The following TJP1 variants were observed in gnomAD, a reference collection of about 807,000 sequenced individuals.
The protein encoded by TJP1 is tight junction protein ZO-1.
In TJP1, 43 loss-of-function variants were observed where a neutral mutation model predicts 194.2. The observed-to-expected ratio is 0.22, with a 90% CI of 0.17 to 0.29. The LOEUF is 0.29. Ranked by LOEUF, TJP1 falls within the 10% of genes least tolerant of loss-of-function variation. The pLI is 1.00. For synonymous variants in TJP1, 801 were observed against 779.0 expected (o/e 1.03, Z -0.47); for missense variants, 1,971 against 2,185.7 (o/e 0.90, Z 1.96).
chr15:29,762,212 C>T (rs2046050412), intron 6 of TJP1, 123 bp downstream of exon 6: 2 of 698,586 alleles, frequency 2.9e-6, no homozygotes, highest in South Asian at 4.1e-5. Context: ...ATATCCCTCT[C>T]CCCCAAACAC....
At chr15:29,873,414 C>T (rs2052593209) in intron 2 of TJP1, among the ~76,000 whole-genome samples, 1 of 152,170 alleles carries the variant, frequency 6.6e-6, no homozygotes, top group African/African-American at 2.4e-5. Context: ...ACCGACAAGG[C>T]CCTGCTGCAG....
At chr15:29,724,277 G>C (rs536538145) in intron 18 of TJP1, among the ~76,000 whole-genome samples, 3 of 152,182 alleles carry the variant, frequency 2.0e-5, no homozygotes, top group Non-Finnish European at 4.4e-5. Flanking sequence ...GGGGAGAGTG[G>C]GAATCCAGGG....
At position 29,719,078 on chromosome 15, in the gene TJP1, G is replaced by A. The variant is rs747619520; in HGVS notation, c.3064C>T (p.Pro1022Ser). Residue 1022 changes from proline to serine, a missense_variant, in exon 21 of 28, where the codon CCA (proline) becomes TCA (serine). By Grantham distance (74) the Pro-to-Ser change is moderately conservative (BLOSUM62 -1). This residue lies in a region of TJP1 where 1,108 missense variants were observed against 1,128.5 expected (regional missense o/e 0.98). Transcript: ENST00000614355. ...MMRQNHVLKQ[P>S]AVSHPGHRPD... ...CTGTGCCCTGGGTGACTAACGGCTGGCTGTTTCAAAACATGGTTCTGCCTC... is the reference window on the plus strand; with the variant it reads ...CTGTGCCCTGGGTGACTAACGGCTGACTGTTTCAAAACATGGTTCTGCCTC... 3 of 1,613,990 alleles carry A rather than the reference G, an allele frequency of 1.9e-6. No individual in the cohort carries two copies. In the African/African-American group the frequency reaches 4.0e-5, roughly 22 times the overall value.
At chr15:29,903,475 C>T (rs925537570) in intron 2 of TJP1, among the ~76,000 whole-genome samples, 22 of 151,834 alleles carry the variant, frequency 1.4e-4, no homozygotes, top group Non-Finnish European at 2.4e-4. Flanking sequence ...GATGGAGTCT[C>T]GCTCTGTCGC....
At chr15:29,771,033 T>C (rs545616641) in intron 4 of TJP1, among the ~76,000 whole-genome samples, 5 of 152,276 alleles carry the variant, frequency 3.3e-5, no homozygotes, top group African/African-American at 1.2e-4. Flanking sequence ...GCTCCATTCA[T>C]AGTAAGTGCA....
At chr15:29,744,052 G>A (rs971931230) in intron 8 of TJP1, among the ~76,000 whole-genome samples, 7 of 152,018 alleles carry the variant, frequency 4.6e-5, no homozygotes, top group Non-Finnish European at 8.8e-5. Context: ...GGTGGCATGC[G>A]CCTATAGTCC....
chr15:29,935,094 T>A (rs1424684628), intron 2 of TJP1, among the ~76,000 whole-genome samples: 1 of 152,224 alleles, frequency 6.6e-6, no homozygotes, highest in African/African-American at 2.4e-5. Context: ...GTTCCACAGA[T>A]GTTTCTTCTA....
Position 29,773,256 on chromosome 15 carries a change from T to C in TJP1, c.186A>G (p.Gly62=). ...TSIVISDVLK[G]GPAEGQLQEN... ...ACTGTAGCTGTCCTTCAGCTGGTCCTCCTTTCAGCACATCTGAAATCACTA... is the reference window on the plus strand; with the variant it reads ...ACTGTAGCTGTCCTTCAGCTGGTCCCCCTTTCAGCACATCTGAAATCACTA... The change falls in exon 3 of 28, where the codon GGA becomes GGG. Residue 62 remains glycine (G), a synonymous_variant. Coordinates refer to ENST00000614355, the MANE Select transcript of TJP1 (RefSeq NM_001330239.4). 3 of 1,614,016 alleles carry C rather than the reference T, an allele frequency of 1.9e-6. No individual in the cohort carries two copies. Among genetic ancestry groups the C allele is most frequent in the Non-Finnish European group, 2.5e-6 (3 of 1,179,912 alleles).
chr15:29,761,329 TAC>T (rs781020207), intron 7 of TJP1, 43 bp from the exon 8 acceptor site: 11 of 1,608,474 alleles, frequency 6.8e-6, no homozygotes, highest in African/African-American at 1.3e-5. Context: ...CAAAAATAAT[TAC>T]AGTCAAGTAT....
chr15:29,933,849 A>G (rs2054799576), intron 2 of TJP1, among the ~76,000 whole-genome samples: 1 of 152,194 alleles, frequency 6.6e-6, no homozygotes, highest in Admixed American at 6.5e-5. Flanking sequence ...ATGACTTGTC[A>G]TCTGACACAG....
chr15:29,808,140 T>C (rs2049232276), intron 1 of TJP1, among the ~76,000 whole-genome samples: 1 of 152,096 alleles, frequency 6.6e-6, no homozygotes, highest in Admixed American at 6.5e-5. Flanking sequence ...TGGGGGCACA[T>C]GCCTGTAATC....
intron 2 of TJP1, among the ~76,000 whole-genome samples, chr15:29,856,761 C>A (rs536176214): frequency 6.6e-6 from 1 of 151,640 alleles, no homozygotes; most frequent in South Asian, 2.1e-4. Flanking sequence ...ATCACGAGGT[C>A]AGGAGATCGA....
intron 2 of TJP1, among the ~76,000 whole-genome samples, chr15:29,887,276 T>C (rs1022192941): frequency 2.7e-5 from 4 of 147,670 alleles, no homozygotes; most frequent in African/African-American, 9.8e-5. Flanking sequence ...AATATATACA[T>C]ATATAATATA....
In TJP1 at chr15:29,761,590, A is replaced by C; in HGVS notation, c.862+11T>G. 1.3e-6 allele frequency: 2 copies of C among 1,587,652 alleles called. No homozygotes were observed. Among genetic ancestry groups the C allele is most frequent in the Non-Finnish European group, 1.7e-6 (2 of 1,162,390 alleles). Reference sequence around the variant, plus strand: ...CACTTAGAGGGAACGTTCAAACAGAATCACACTCACCGTCTCTCTCAGAGG... The same window carrying C: ...CACTTAGAGGGAACGTTCAAACAGACTCACACTCACCGTCTCTCTCAGAGG... On this transcript the variant is annotated intron_variant, in intron 7 of 27. Transcript: ENST00000614355.
chr15:29,741,301 G>C (rs988460009), intron 10 of TJP1, 30 bp downstream of exon 10: 1 of 1,507,616 alleles, frequency 6.6e-7, no homozygotes, highest in African/African-American at 1.4e-5. Context: ...AATGAACAAA[G>C]AAAACAATAC....
At chr15:29,869,181 A>T (rs1272341304) in intron 2 of TJP1, among the ~76,000 whole-genome samples, 1 of 152,248 alleles carries the variant, frequency 6.6e-6, no homozygotes, top group Admixed American at 6.5e-5. Flanking sequence ...AAATGAAGCC[A>T]TAAGAGAAAG....
intron 2 of TJP1, among the ~76,000 whole-genome samples, chr15:29,849,786 G>A (rs1327588396): frequency 6.6e-6 from 1 of 151,812 alleles, no homozygotes; most frequent in Non-Finnish European, 1.5e-5. Flanking sequence ...TATTGTCCAG[G>A]CTGGTCTTGA....
intron 2 of TJP1, among the ~76,000 whole-genome samples, chr15:29,905,629 A>G (rs2053782501): frequency 6.6e-6 from 1 of 152,276 alleles, no homozygotes; most frequent in African/African-American, 2.4e-5. Flanking sequence ...AAACAGGTGA[A>G]TGAATAAACA....
intron 18 of TJP1, among the ~76,000 whole-genome samples, chr15:29,722,061 A>C (rs1378947702): frequency 6.6e-6 from 1 of 152,258 alleles, no homozygotes; most frequent in Admixed American, 6.5e-5. Flanking sequence ...AGTGAAGCAG[A>C]GCATAAAAGT....
Sources: allele counts gnomAD v4.1 joint callset (sites outside exome capture counted in the v4.1 genomes callset), GRCh38; gene constraint gnomAD v4.1.1; regional missense constraint gnomAD v4.1.1; transcripts MANE v1.5; gene names NCBI Gene and HGNC (gene_info 2026-07-23, HGNC 2026-07-21).